TENM1: variants seen among roughly 807,000 people sequenced by gnomAD.
The protein encoded by TENM1 is teneurin-1.
In TENM1, 35 loss-of-function variants were observed where a neutral mutation model predicts 174.8. The ratio of observed to expected loss-of-function variants is 0.20; its 90% CI spans 0.15 to 0.27. The LOEUF (loss-of-function observed/expected upper bound fraction) is 0.27. TENM1 is among the 10% of genes least tolerant of loss of function. The probability of loss-of-function intolerance (pLI) is 1.00; values close to 1 mark genes in which losing one functional copy is unlikely to be tolerated. For synonymous variants in TENM1, 781 were observed against 798.7 expected, an observed-to-expected ratio of 0.98 and a Z score of 0.37; for missense variants, 1,633 against 2,130.1, an observed-to-expected ratio of 0.77 and a Z score of 4.59.
chrX:124,985,886 G>A, the TENM1 span, among the ~76,000 whole-genome samples: 10 of 111,206 alleles, frequency 9.0e-5, no homozygotes, highest in South Asian at 3.7e-4. Context: ...TTTAAAAACC[G>A]GCAAAAATTA....
chrX:124,392,463 G>A (rs959957237), intron 27 of TENM1, 115 bp from the exon 31 acceptor site: 1 of 577,725 alleles, frequency 1.7e-6, no homozygotes, highest in African/African-American at 2.3e-5. Flanking sequence ...TCTTGCCTCT[G>A]AAGCCTCACG....
chrX:124,562,046 C>A (rs1216320098), intron 13 of TENM1, among the ~76,000 whole-genome samples: 1 of 112,083 alleles, frequency 8.9e-6, no homozygotes, highest in African/African-American at 3.2e-5. Context: ...TTAATGCTAA[C>A]CCCAATTCCC....
intron 23 of TENM1, among the ~76,000 whole-genome samples, chrX:124,451,147 T>A (rs1012519950): frequency 9.0e-6 from 1 of 111,707 alleles, no homozygotes; most frequent in Non-Finnish European, 1.9e-5. Flanking sequence ...AGTCAGACAC[T>A]GAATGTTGGG....
intron 3 of TENM1, among the ~76,000 whole-genome samples, chrX:124,782,654 T>G (rs1027300036): frequency 5.4e-5 from 6 of 110,700 alleles, no homozygotes; most frequent in African/African-American, 2.0e-4. Context: ...ATTCTCTTTG[T>G]CAGAATCAAT....
chrX:124,420,956 C>T (rs139681681), intron 24 of TENM1, 135 bp from the exon 28 acceptor site: 14,363 of 581,435 alleles, frequency 0.025, 180 homozygotes, highest in Non-Finnish European at 0.03. Flanking sequence ...TGTATTCCCT[C>T]CCTGAAAAAT....
chrX:124,469,385 T>C (rs1335945753), intron 22 of TENM1, among the ~76,000 whole-genome samples: 2 of 111,766 alleles, frequency 1.8e-5, no homozygotes, highest in Non-Finnish European at 3.8e-5. Context: ...TATAAACCCA[T>C]AATGAAGGTA....
At chrX:124,406,417 C>T (rs746762458) in exon 26 of TENM1, 20 of 1,207,242 alleles carry the variant, frequency 1.7e-5, no homozygotes, top group Non-Finnish European at 2.2e-5. Flanking sequence ...TCAGCTTCTC[C>T]AGGTCACTGT....
At chrX:124,640,501 A>G (rs1350182849) in intron 11 of TENM1, among the ~76,000 whole-genome samples, 1 of 112,041 alleles carries the variant, frequency 8.9e-6, no homozygotes, top group Non-Finnish European at 1.9e-5. Flanking sequence ...AAGAGTTACC[A>G]CTTATTAATT....
chrX:124,799,378 G>T (rs1037035878), intron 3 of TENM1, among the ~76,000 whole-genome samples: 5 of 110,665 alleles, frequency 4.5e-5, no homozygotes, highest in African/African-American at 1.6e-4. Flanking sequence ...TTGAGTAGTG[G>T]TCTGTGGTTC....
At chrX:124,612,631 C>CAGAT (rs2050304032) in intron 11 of TENM1, among the ~76,000 whole-genome samples, 2 of 111,465 alleles carry the variant, frequency 1.8e-5, no homozygotes, top group South Asian at 3.8e-4. Context: ...AAAATGACAA[C>CAGAT]AGATCACATA....
At chrX:124,753,733 T>G (rs2148585802) in intron 3 of TENM1, among the ~76,000 whole-genome samples, 1 of 111,980 alleles carries the variant, frequency 8.9e-6, no homozygotes, top group African/African-American at 3.2e-5. Flanking sequence ...CTTTTCTGCA[T>G]TTATTGAGAT....
intron 4 of TENM1, among the ~76,000 whole-genome samples, chrX:124,713,472 T>G (rs916827451): frequency 2.7e-5 from 3 of 111,462 alleles, no homozygotes; most frequent in African/African-American, 6.5e-5. Flanking sequence ...TTCTCCATGT[T>G]GGTCAGGCTG....
chrX:125,056,426 A>T, the TENM1 span, among the ~76,000 whole-genome samples: 2 of 111,971 alleles, frequency 1.8e-5, no homozygotes, highest in Non-Finnish European at 3.8e-5. Flanking sequence ...TTTCAGAAAC[A>T]GACTATAATT....
intron 3 of TENM1, among the ~76,000 whole-genome samples, chrX:124,820,051 C>T (rs1218289242): frequency 9.0e-6 from 1 of 110,688 alleles, no homozygotes; most frequent in Admixed American, 9.6e-5. Flanking sequence ...CCTCCCAAAG[C>T]GCTGGGTGCT....
the TENM1 span, among the ~76,000 whole-genome samples, chrX:125,033,809 A>T: frequency 2.5e-3 from 273 of 111,183 alleles, 1 homozygote; most frequent in Middle Eastern, 9.2e-3. Flanking sequence ...TCTACACAAT[A>T]TTCATTTTTT....
chrX:124,915,678 T>C (rs756351156), intron 1 of TENM1, among the ~76,000 whole-genome samples: 189 of 112,525 alleles, frequency 1.7e-3, no homozygotes, highest in Non-Finnish European at 2.8e-3. Context: ...TAAGCAAGGA[T>C]GATAGTAGAA....
At chrX:125,049,132 A>G in the TENM1 span, among the ~76,000 whole-genome samples, 2 of 111,747 alleles carry the variant, frequency 1.8e-5, no homozygotes, top group African/African-American at 6.5e-5. Context: ...TTTAAAGTGT[A>G]CAATTCAGTG....
intron 20 of TENM1, among the ~76,000 whole-genome samples, chrX:124,490,159 A>C (rs1470416345): frequency 8.9e-6 from 1 of 112,228 alleles, no homozygotes; most frequent in African/African-American, 3.2e-5. Context: ...TAGAGATGCA[A>C]TATTTCAATT....
the TENM1 span, among the ~76,000 whole-genome samples, chrX:125,111,090 G>A: frequency 8.9e-6 from 1 of 112,242 alleles, no homozygotes; most frequent in East Asian, 2.8e-4. Context: ...CTAGGTTATA[G>A]AGGACTCAAC....
Sources: allele counts gnomAD v4.1 joint callset (sites outside exome capture counted in the v4.1 genomes callset), GRCh38; gene constraint gnomAD v4.1.1; transcripts MANE v1.5; gene names NCBI Gene and HGNC (gene_info 2026-07-23, HGNC 2026-07-21).